The following ACACA variants were observed in gnomAD, a reference collection of about 807,000 sequenced individuals.
The protein encoded by ACACA is acetyl-CoA carboxylase 1.
A neutral mutation model predicts 296.1 loss-of-function variants in ACACA; 103 were observed. That is an observed-to-expected ratio of 0.35 (90% CI 0.30 to 0.41). The LOEUF (loss-of-function observed/expected upper bound fraction) is 0.41. Ranked by LOEUF, ACACA falls within the 10% of genes least tolerant of loss-of-function variation. The probability of loss-of-function intolerance (pLI) is 1.00; values close to 1 mark genes in which losing one functional copy is unlikely to be tolerated. For missense variants in ACACA, 1,554 were observed against 2,989.7 expected (o/e 0.52, Z 11.20); for synonymous variants, 953 against 1,038.6 (o/e 0.92, Z 1.58).
chr17:37,262,204 G>A (rs922526239), intron 11 of ACACA, among the ~76,000 whole-genome samples: 12 of 152,138 alleles, frequency 7.9e-5, no homozygotes, highest in South Asian at 2.1e-4. Context: ...GAATAAAATC[G>A]AAATTTTTGC....
intron 14 of ACACA, among the ~76,000 whole-genome samples, chr17:37,253,879 T>A (rs2081107137): frequency 6.6e-6 from 1 of 152,196 alleles, no homozygotes; most frequent in Non-Finnish European, 1.5e-5. Flanking sequence ...CAGTCATATA[T>A]CAGCCTGACA....
intron 39 of ACACA, among the ~76,000 whole-genome samples, chr17:37,184,035 A>G (rs1404286292): frequency 6.6e-6 from 1 of 151,926 alleles, no homozygotes; most frequent in African/African-American, 2.4e-5. Context: ...TATTTTTAGT[A>G]GAGATGGAGT....
At chr17:37,279,749 T>C (rs1423286878) in intron 5 of ACACA, among the ~76,000 whole-genome samples, 1 of 152,068 alleles carries the variant, frequency 6.6e-6, no homozygotes, top group Non-Finnish European at 1.5e-5. Flanking sequence ...AGGCAGAGGT[T>C]GCAGTGAGCC....
rs149875263 is a variant in ACACA, at chr17:37,365,065, C to T, written c.39-25215G>A. ...TCAGATCACTGCAACCTCCGCCTCC[C>T]GGGTTCAAGTGATTCTCCTGCCTCA... On this transcript the variant is annotated intron_variant, in intron 1 of 55. Transcript: ENST00000616317. Among the ~76,000 whole-genome samples, 445 of 152,196 alleles carry T rather than the reference C, an allele frequency of 2.9e-3. 2 individuals are homozygous for T. The highest frequency in any genetic ancestry group is 0.01 in the Middle Eastern group (3 of 294).
At chr17:37,156,220 C>T (rs760557040) in intron 42 of ACACA, among the ~76,000 whole-genome samples, 10 of 151,842 alleles carry the variant, frequency 6.6e-5, no homozygotes, top group Non-Finnish European at 1.3e-4. Context: ...CCCACCACCT[C>T]GCCTGGCTAA....
Position 37,188,373 on chromosome 17 carries a change from T to C in ACACA, c.4680A>G (p.Gly1560=), listed in dbSNP as rs1311973618. 1 of 1,614,008 alleles carries C rather than the reference T, an allele frequency of 6.2e-7. No individual in the cohort carries two copies. The highest frequency in any genetic ancestry group is 8.5e-7 in the Non-Finnish European group (1 of 1,180,010). The part of the protein sequence containing the change: ...LKINIRLTPT[G]KAIPIRLFLT... ...GGAAGAGGCGGATGGGAATTGCTTTTCCAGTTGGCGTCAGGCGAATGTTGA... is the reference window on the plus strand; with the variant it reads ...GGAAGAGGCGGATGGGAATTGCTTTCCCAGTTGGCGTCAGGCGAATGTTGA... The change falls in exon 39 of 56, where the codon GGA becomes GGG. Residue 1560 remains glycine, a synonymous_variant. Coordinates refer to ENST00000616317, the MANE Select transcript of ACACA (RefSeq NM_198834.3).
chr17:37,211,640 T>C (rs1250658810), intron 29 of ACACA, among the ~76,000 whole-genome samples: 2 of 152,148 alleles, frequency 1.3e-5, no homozygotes, highest in Admixed American at 6.6e-5. Flanking sequence ...GCTGATGATA[T>C]GTGGAAAGGA....
chr17:37,300,811 C>T (rs1198104730), intron 3 of ACACA, among the ~76,000 whole-genome samples: 2 of 152,190 alleles, frequency 1.3e-5, no homozygotes, highest in Admixed American at 6.5e-5. Flanking sequence ...CTGTACTTCA[C>T]ATCATCCCTT....
chr17:37,108,392 T>A (rs2073804954), intron 52 of ACACA, among the ~76,000 whole-genome samples: 1 of 128,866 alleles, frequency 7.8e-6, no homozygotes, highest in Admixed American at 7.5e-5. Flanking sequence ...CAATTATGAT[T>A]TTTTTTTTTT....
chr17:37,281,450 T>G (rs2082528923), intron 5 of ACACA, among the ~76,000 whole-genome samples: 1 of 152,212 alleles, frequency 6.6e-6, no homozygotes, highest in Non-Finnish European at 1.5e-5. Context: ...TTTATAGCAC[T>G]TACCTCATTG....
chr17:37,096,465 T>C lies in ACACA; in HGVS notation c.6891+531A>G, dbSNP rs564167441. On this transcript the variant is annotated intron_variant, in intron 54 of 55. Transcript: ENST00000616317. Reference sequence around the variant, plus strand: ...CTCCTAAGCCCTGACTGCCCCCAAATCCAGCCTTTTCTTCTGGTTCATTTC... The same window carrying C: ...CTCCTAAGCCCTGACTGCCCCCAAACCCAGCCTTTTCTTCTGGTTCATTTC... 4.6e-5 allele frequency among the ~76,000 whole-genome samples: 7 copies of C among 152,272 alleles called. No homozygotes were observed. The East Asian group carries it at 1.4e-3, about 29-fold the overall frequency.
intron 3 of ACACA, among the ~76,000 whole-genome samples, chr17:37,285,472 C>T (rs1460444805): frequency 5.9e-5 from 9 of 152,044 alleles, no homozygotes; most frequent in Non-Finnish European, 1.5e-5. Context: ...GCATAATATG[C>T]CATATTTAAT....
intron 25 of ACACA, among the ~76,000 whole-genome samples, chr17:37,229,337 T>C (rs2079722991): frequency 6.6e-6 from 1 of 151,962 alleles, no homozygotes; most frequent in Non-Finnish European, 1.5e-5. Flanking sequence ...GGAGTCTCTC[T>C]CTGTTCCGCA....
At chr17:37,222,515 T>C (rs1377209338) in intron 28 of ACACA, among the ~76,000 whole-genome samples, 1 of 152,210 alleles carries the variant, frequency 6.6e-6, no homozygotes, top group African/African-American at 2.4e-5. Flanking sequence ...GCTACATCTC[T>C]GCAAAAACTG....
At chr17:37,228,229 T>C (rs1171404265) in intron 25 of ACACA, among the ~76,000 whole-genome samples, 1 of 123,198 alleles carries the variant, frequency 8.1e-6, no homozygotes, top group African/African-American at 3.5e-5. Flanking sequence ...TTTTTTTTTT[T>C]TGAGAAAATG....
chr17:37,150,448 A>T (rs1280966537), intron 44 of ACACA, among the ~76,000 whole-genome samples: 3 of 152,124 alleles, frequency 2.0e-5, no homozygotes, highest in African/African-American at 7.2e-5. Context: ...AGGCCAAGGC[A>T]GGAAAACCAC....
intron 1 of ACACA, among the ~76,000 whole-genome samples, chr17:37,353,475 C>T (rs1387466295): frequency 1.3e-5 from 2 of 151,230 alleles, no homozygotes; most frequent in Admixed American, 6.6e-5. Flanking sequence ...GCCCTGTCTA[C>T]TAAAAATACA....
intron 24 of ACACA, among the ~76,000 whole-genome samples, chr17:37,235,525 T>G (rs1031052973): frequency 2.0e-5 from 3 of 152,194 alleles, no homozygotes; most frequent in Admixed American, 2.0e-4. Flanking sequence ...AATGTAAATA[T>G]CATTAAACTT....
At chr17:37,390,504 G>A (rs536652192) in intron 1 of ACACA, among the ~76,000 whole-genome samples, 6 of 147,708 alleles carry the variant, frequency 4.1e-5, no homozygotes, top group East Asian at 4.1e-4. Context: ...GTGTGCACCC[G>A]TAGTCCCAGC....
Sources: allele counts gnomAD v4.1 joint callset (sites outside exome capture counted in the v4.1 genomes callset), GRCh38; gene constraint gnomAD v4.1.1; transcripts MANE v1.5; gene names NCBI Gene and HGNC (gene_info 2026-07-23, HGNC 2026-07-21).